The following ZNF611 variants were observed in gnomAD, a reference collection of about 807,000 sequenced individuals.
The protein encoded by ZNF611 is zinc finger protein 611.
A neutral mutation model predicts 8.9 loss-of-function variants in ZNF611; 6 were observed. The observed-to-expected ratio is 0.68, with a 90% CI of 0.37 to 1.34. The LOEUF is 1.34. ZNF611 is among the 40% of genes most tolerant of loss of function. The pLI is 0.02. For synonymous variants in ZNF611, 262 were observed against 279.7 expected (o/e 0.94, Z 0.63); for missense variants, 874 against 841.3 (o/e 1.04, Z -0.48).
chr19:52,712,456 TAAAAAAAAAAAAAAAAAA>T (rs55649603), intron 5 of ZNF611, among the ~76,000 whole-genome samples: 2 of 37,436 alleles, frequency 5.3e-5, no homozygotes, highest in East Asian at 1.2e-3. Context: ...CTGTCTCTAC[TAAAAAAAAAAAAAAAAAA>T]AAAAAAAAAA....
intron 3 of ZNF611, among the ~76,000 whole-genome samples, chr19:52,726,943 G>A (rs1770019895): frequency 6.6e-6 from 1 of 152,064 alleles, no homozygotes; most frequent in African/African-American, 2.4e-5. Flanking sequence ...ATGGCCCACT[G>A]CAGCCTCTGC....
intron 5 of ZNF611, chr19:52,708,652 A>G (rs1012507240): frequency 6.6e-6 from 1 of 152,204 alleles, no homozygotes; most frequent in Non-Finnish European, 1.5e-5. Flanking sequence ...CCTGACCAAC[A>G]TGGGGAAACC....
chr19:52,723,928 T>C (rs1394226746), intron 3 of ZNF611: 2 of 152,238 alleles, frequency 1.3e-5, no homozygotes, highest in African/African-American at 4.8e-5. Context: ...CTCAGTGCAG[T>C]AAACAGCAGT....
chr19:52,727,958 G>A (rs2062402929), intron 3 of ZNF611, among the ~76,000 whole-genome samples: 1 of 138,592 alleles, frequency 7.2e-6, no homozygotes, highest in Admixed American at 8.1e-5. Flanking sequence ...TGCCCAGGCT[G>A]CAGTGCAGTG....
intron 4 of ZNF611, among the ~76,000 whole-genome samples, chr19:52,714,643 G>A (rs1196072570): frequency 2.1e-5 from 3 of 144,682 alleles, no homozygotes; most frequent in Non-Finnish European, 4.5e-5. Context: ...AGCCAAGTTC[G>A]CACCACTGCC....
chr19:52,713,143 C>T (rs969453838), intron 5 of ZNF611, among the ~76,000 whole-genome samples: 5 of 152,138 alleles, frequency 3.3e-5, no homozygotes, highest in African/African-American at 1.2e-4. Context: ...TTGCAGTGAG[C>T]CAAGATCATG....
intron 3 of ZNF611, among the ~76,000 whole-genome samples, chr19:52,726,541 G>C (rs2062394537): frequency 6.6e-6 from 1 of 150,656 alleles, no homozygotes; most frequent in African/African-American, 2.5e-5. Context: ...CTGCCTGAGA[G>C]TTGAGTAACT....
At chr19:52,716,014 T>TC (rs1308708319) in intron 3 of ZNF611, 101 bp from the exon 4 acceptor site, 1 of 1,329,426 alleles carries the variant, frequency 7.5e-7, no homozygotes, top group African/African-American at 1.5e-5. Context: ...TAGAAAGAAG[T>TC]CCCCCACTGC....
intron 1 of ZNF611, among the ~76,000 whole-genome samples, chr19:52,731,933 C>A (rs894453212): frequency 1.3e-5 from 2 of 150,674 alleles, no homozygotes; most frequent in East Asian, 4.0e-4. Context: ...ATCATGCCAT[C>A]GCACTCCAGC....
intron 3 of ZNF611, chr19:52,720,886 C>T (rs2062354110): frequency 6.5e-6 from 1 of 153,010 alleles, no homozygotes; most frequent in African/African-American, 2.5e-5. Flanking sequence ...TTCCTCACCT[C>T]CCAGACAGGG....
intron 3 of ZNF611, among the ~76,000 whole-genome samples, chr19:52,722,887 T>A (rs1355768071): frequency 6.7e-6 from 1 of 148,620 alleles, no homozygotes; most frequent in Non-Finnish European, 1.5e-5. Flanking sequence ...CACATTATCA[T>A]GCCTGGTTTT....
At chr19:52,726,639 C>T (rs1298057310) in intron 3 of ZNF611, among the ~76,000 whole-genome samples, 1 of 151,532 alleles carries the variant, frequency 6.6e-6, no homozygotes, top group Non-Finnish European at 1.5e-5. Context: ...AGGATGGTCT[C>T]GATCTCCTGA....
rs1786497782 is a variant in ZNF611 at position 52,704,506 on chromosome 19, C to T, written c.*431G>A. ...TGAAGCTTGACTGAAGACCTTGGCA[C>T]AGTCATGACATTTGTAAGGTTTCTC... On this transcript the variant is annotated 3_prime_UTR_variant, in exon 6 of 6. Coordinates refer to ENST00000652185, the MANE Select transcript of ZNF611 (RefSeq NM_001161499.2). 3 of 1,020,166 alleles carry T rather than the reference C, an allele frequency of 2.9e-6. No individual in the cohort carries two copies. Among genetic ancestry groups the T allele is most frequent in the African/African-American group, 3.2e-5 (2 of 63,236 alleles). The allele number at this position is 1,020,166 out of a possible 1,614,324, so 63.2% of individuals were successfully genotyped here.
At chr19:52,709,607 G>A (rs1437566478) in intron 5 of ZNF611, among the ~76,000 whole-genome samples, 7 of 149,512 alleles carry the variant, frequency 4.7e-5, no homozygotes, top group African/African-American at 2.5e-5. Context: ...CGCTCTTGTT[G>A]CCCAGGCTGG....
rs532673029 is a variant in ZNF611, at chr19:52,734,187, GTTT to G, written c.-222+811_-222+813del. On this transcript the variant is annotated intron_variant, in intron 1 of 5. Transcript: ENST00000652185. ...TGCTTTTCTCCTCCTGCTTTCTTAG[GTTT>G]TTTTTTTTTTTTTTCACTTCTGCCA... Among the ~76,000 whole-genome samples the G allele has an allele frequency of 6.3e-3, 534 of 84,640 alleles. 4 individuals carry two copies. Among genetic ancestry groups the G allele is most frequent in the African/African-American group, 0.021 (458 of 22,260 alleles). 55.5% of individuals were successfully genotyped at this position (84,640 alleles called of 152,430 possible).
intron 4 of ZNF611, among the ~76,000 whole-genome samples, chr19:52,714,441 A>G (rs1319788982): frequency 6.6e-6 from 1 of 151,932 alleles, no homozygotes; most frequent in Non-Finnish European, 1.5e-5. Flanking sequence ...TAATCCCAAC[A>G]CTTCAGGAGG....
At position 52,704,371 on chromosome 19, in the gene ZNF611, T is replaced by C; in HGVS notation, c.*566A>G. On this transcript the variant is annotated 3_prime_UTR_variant, in exon 6 of 6. Coordinates refer to ENST00000652185, the MANE Select transcript of ZNF611 (RefSeq NM_001161499.2). ...ACATTTGTAAGATTTCTGTCCAGTA[T>C]AGATTCTCTGATGTCTAATGACGTG... is the stretch of plus-strand genomic sequence containing the variant. The C allele has an allele frequency of 1.6e-6, 1 of 638,682 alleles. No individual in the cohort carries two copies. The highest frequency in any genetic ancestry group is 3.0e-6 in the Non-Finnish European group (1 of 330,824). The allele number at this position is 638,682 out of a possible 1,614,324, so 39.6% of individuals were successfully genotyped here.
At chr19:52,722,950 T>C (rs1352805519) in intron 3 of ZNF611, among the ~76,000 whole-genome samples, 1 of 151,196 alleles carries the variant, frequency 6.6e-6, no homozygotes, top group Non-Finnish European at 1.5e-5. Flanking sequence ...AATGACTATT[T>C]TGCCCAGGCT....
At chr19:52,728,458 T>G (rs2062405587) in intron 3 of ZNF611, among the ~76,000 whole-genome samples, 1 of 152,008 alleles carries the variant, frequency 6.6e-6, no homozygotes. Context: ...GAATCACATG[T>G]ACCCGAGAGA....
Sources: gnomAD v4.1 joint callset for allele counts (sites outside exome capture counted in the v4.1 genomes callset) on GRCh38, gnomAD v4.1.1 for gene constraint, MANE v1.5 for transcripts, NCBI Gene and HGNC (gene_info 2026-07-23, HGNC 2026-07-21) for gene names.